Variants in TXNRD2 observed in about 807,000 individuals in gnomAD.
TXNRD2 encodes thioredoxin reductase 2.
Under a neutral mutation model 70.8 loss-of-function variants are expected in TXNRD2, and 67 were observed. That is an observed-to-expected ratio of 0.95 (90% confidence interval 0.78 to 1.16). The LOEUF (loss-of-function observed/expected upper bound fraction) is 1.16. Among genes scored for constraint, TXNRD2 ranks in the 50% most tolerant of loss-of-function variants. The pLI, the probability that TXNRD2 is intolerant of heterozygous loss-of-function variation, is 0.00. For synonymous variants in TXNRD2, 301 were observed against 295.8 expected (o/e 1.02, Z -0.18); for missense variants, 644 against 719.9 (o/e 0.89, Z 1.21).
intron 1 of TXNRD2, among the ~76,000 whole-genome samples, chr22:19,937,597 CTA>C (rs1253771470): frequency 3.3e-5 from 5 of 152,182 alleles, no homozygotes; most frequent in African/African-American, 4.8e-5. Context: ...ACCCACAGAG[CTA>C]TTCTGTGGGC....
intron 11 of TXNRD2, chr22:19,895,156 C>G (rs755756262): frequency 1.6e-5 from 25 of 1,598,264 alleles, no homozygotes; most frequent in African/African-American, 2.7e-5. Context: ...TGGTTTTTTC[C>G]AGCATGTCCC....
At chr22:19,909,843 A>C in intron 8 of TXNRD2, among the ~76,000 whole-genome samples, 3 of 50,282 alleles carry the variant, frequency 6.0e-5, no homozygotes, top group Non-Finnish European at 1.1e-4. Context: ...ACACACCCAC[A>C]CCCTTCACAC....
chr22:19,923,802 C>CA (rs1399040468), intron 2 of TXNRD2, among the ~76,000 whole-genome samples: 13 of 123,260 alleles, frequency 1.1e-4, no homozygotes, highest in South Asian at 5.6e-4. Flanking sequence ...AACTATGTCT[C>CA]AAAAAAAAAA....
At chr22:19,899,008 C>A (rs1182479697) in intron 9 of TXNRD2, 41 bp downstream of exon 9, 22 of 1,603,668 alleles carry the variant, frequency 1.4e-5, no homozygotes, top group Non-Finnish European at 1.7e-5. Context: ...GAAGGAGTGT[C>A]CAGTTCCCAG....
chr22:19,918,649 G>A (rs1050323721), intron 4 of TXNRD2, among the ~76,000 whole-genome samples: 2 of 152,164 alleles, frequency 1.3e-5, no homozygotes, highest in African/African-American at 2.4e-5. Flanking sequence ...TGGGCTCCCC[G>A]CAAAGGGGAG....
chr22:19,908,359 C>CG (rs1569091733), intron 8 of TXNRD2, among the ~76,000 whole-genome samples: 1 of 152,038 alleles, frequency 6.6e-6, no homozygotes, highest in Non-Finnish European at 1.5e-5. Context: ...AGTGTTAAGA[C>CG]GGAAGGGCAG....
Position 19,877,046 on chromosome 22 carries a change from C to T in TXNRD2, c.*59G>A. On this transcript the variant is annotated 3_prime_UTR_variant, in exon 17 of 18. Transcript: ENST00000400521. Reference sequence around the variant, plus strand: ...GCCAGCCCCACCTGCATACCTGGGTCTGGCCTCCGAGGAGCTGGCGGCGGG... The same window carrying T: ...GCCAGCCCCACCTGCATACCTGGGTTTGGCCTCCGAGGAGCTGGCGGCGGG... 6.4e-7 allele frequency: 1 copy of T among 1,555,632 alleles called. No individual in the cohort carries two copies. Among genetic ancestry groups the T allele is most frequent in the Non-Finnish European group, 8.8e-7 (1 of 1,141,846 alleles).
intron 11 of TXNRD2, among the ~76,000 whole-genome samples, chr22:19,889,632 T>C (rs947430100): frequency 1.3e-5 from 2 of 151,324 alleles, no homozygotes; most frequent in Non-Finnish European, 2.9e-5. Flanking sequence ...AAAACAATTA[T>C]TATTATTATT....
chr22:19,912,749 G>A (rs1367652846), intron 7 of TXNRD2, among the ~76,000 whole-genome samples: 2 of 152,228 alleles, frequency 1.3e-5, no homozygotes, highest in Non-Finnish European at 2.9e-5. Context: ...CCCTCTAGAG[G>A]CTGCTGTGGC....
At chr22:19,933,367 C>T (rs1460166717) in intron 1 of TXNRD2, 33 of 1,126,940 alleles carry the variant, frequency 2.9e-5, no homozygotes, top group Non-Finnish European at 3.8e-5. Context: ...CATGAACCTG[C>T]TGATGGAGAA....
chr22:19,927,527 G>A (rs1169814994), intron 2 of TXNRD2, among the ~76,000 whole-genome samples: 4 of 148,866 alleles, frequency 2.7e-5, no homozygotes, highest in South Asian at 2.2e-4. Flanking sequence ...GCATGGTGGC[G>A]CCTGTGGTCC....
chr22:19,898,788 G>C (rs1939638315), intron 9 of TXNRD2, among the ~76,000 whole-genome samples: 1 of 152,068 alleles, frequency 6.6e-6, no homozygotes, highest in Non-Finnish European at 1.5e-5. Flanking sequence ...GTCCAGGCTG[G>C]GGCTGCTCTT....
intron 12 of TXNRD2, chr22:19,881,326 T>C (rs1938764600): frequency 1.1e-5 from 4 of 371,156 alleles, no homozygotes; most frequent in Non-Finnish European, 4.8e-6. Flanking sequence ...CAGAAATGCA[T>C]AGAGATCCGT....
At chr22:19,893,963 A>G (rs1435443683) in intron 11 of TXNRD2, 1 of 152,214 alleles carries the variant, frequency 6.6e-6, no homozygotes, top group Non-Finnish European at 1.5e-5. Flanking sequence ...GCTTGTGCAC[A>G]CCCATGTTCA....
At chr22:19,906,633 A>G (rs1285655707) in intron 8 of TXNRD2, among the ~76,000 whole-genome samples, 1 of 152,176 alleles carries the variant, frequency 6.6e-6, no homozygotes, top group Non-Finnish European at 1.5e-5. Context: ...AAGATAAAAA[A>G]ACAGATAACC....
intron 2 of TXNRD2, 81 bp downstream of exon 2, chr22:19,930,949 G>T: frequency 1.5e-6 from 2 of 1,337,416 alleles, no homozygotes; most frequent in Non-Finnish European, 2.1e-6. Context: ...TTTTGCTCAT[G>T]GACGTTTTCT....
intron 1 of TXNRD2, among the ~76,000 whole-genome samples, chr22:19,940,938 C>T (rs1332884526): frequency 6.6e-6 from 1 of 152,182 alleles, no homozygotes; most frequent in East Asian, 1.9e-4. Context: ...GAGGGCCAGC[C>T]ACCATGCCTC....
chr22:19,913,289 T>C (rs1196726264), intron 7 of TXNRD2, among the ~76,000 whole-genome samples: 2 of 152,218 alleles, frequency 1.3e-5, no homozygotes, highest in East Asian at 3.9e-4. Flanking sequence ...ACATTTAAAG[T>C]CAGGAAAAAC....
At position 19,885,491 on chromosome 22, in the gene TXNRD2, G is replaced by A. The variant is rs373644827; in HGVS notation, c.950-2030C>T. ...TCCAGCCTCTGTGCTCTGCTCAGCC[G>A]CAGGAATTGGGTGCCGGGAGGGCTG... On this transcript the variant is annotated intron_variant, in intron 11 of 17. Transcript: ENST00000400521. Among the ~76,000 whole-genome samples, 87 of 152,342 alleles carry A rather than the reference G, an allele frequency of 5.7e-4. No homozygotes were observed. The Middle Eastern group carries it at 0.01, about 18-fold the overall frequency.
Sources: gnomAD v4.1 joint callset for allele counts (sites outside exome capture counted in the v4.1 genomes callset) on GRCh38, gnomAD v4.1.1 for gene constraint, MANE v1.5 for transcripts, NCBI Gene and HGNC (gene_info 2026-07-23, HGNC 2026-07-21) for gene names.